The following SYT16 variants were observed in gnomAD, a reference collection of about 807,000 sequenced individuals.
SYT16 encodes the protein synaptotagmin-16.
In SYT16, 42 loss-of-function variants were observed where a neutral mutation model predicts 61.4. The ratio of observed to expected loss-of-function variants is 0.68; its 90% CI spans 0.53 to 0.89. The LOEUF is 0.89. SYT16 is among the 40% of genes least tolerant of loss of function. SYT16 has a pLI of 0.00. For synonymous variants in SYT16, 314 were observed against 302.3 expected, an observed-to-expected ratio of 1.04 and a Z score of -0.40; for missense variants, 804 against 807.3, an observed-to-expected ratio of 1.00 and a Z score of 0.05.
chr14:61,916,215 A>ATTT (rs2049114430), intron 1 of SYT16, among the ~76,000 whole-genome samples: 1 of 152,130 alleles, frequency 6.6e-6, no homozygotes, highest in Non-Finnish European at 1.5e-5. Flanking sequence ...TCTTTTGTGG[A>ATTT]GCAAAATTTG....
At chr14:62,099,871 TTGTGTGTCTGTCTGTC>T (rs6145370) in intron 7 of SYT16, among the ~76,000 whole-genome samples, 37,637 of 151,842 alleles carry the variant, frequency 0.25, 4,841 homozygotes, top group Middle Eastern at 0.3. Context: ...GAGCAAGACC[TTGTGTGTCTGTCTGTC>T]TGTCTGTCTG....
chr14:62,023,450 A>G (rs1003439578), intron 3 of SYT16, among the ~76,000 whole-genome samples: 1 of 152,096 alleles, frequency 6.6e-6, no homozygotes, highest in East Asian at 1.9e-4. Flanking sequence ...GAATTGGCCA[A>G]CAACTTGGGG....
At chr14:62,004,250 C>CAG (rs769924676) in intron 3 of SYT16, among the ~76,000 whole-genome samples, 12 of 151,842 alleles carry the variant, frequency 7.9e-5, no homozygotes, top group East Asian at 1.9e-4. Flanking sequence ...GACAGAGAGA[C>CAG]AGAGAGAGAG....
intron 1 of SYT16, among the ~76,000 whole-genome samples, chr14:61,890,699 G>A (rs371294231): frequency 2.3e-4 from 35 of 152,148 alleles, no homozygotes; most frequent in African/African-American, 6.5e-4. Context: ...AGTAAATTGC[G>A]TATGTTAGTA....
intron 7 of SYT16, among the ~76,000 whole-genome samples, chr14:62,088,426 TG>T (rs962505870): frequency 2.0e-5 from 3 of 152,170 alleles, no homozygotes; most frequent in African/African-American, 7.2e-5. Flanking sequence ...GTGTCAGGAA[TG>T]GTATTGGTGC....
chr14:61,962,713 C>A (rs987203637), intron 1 of SYT16, among the ~76,000 whole-genome samples: 1 of 151,934 alleles, frequency 6.6e-6, no homozygotes, highest in Non-Finnish European at 1.5e-5. Flanking sequence ...TCTTTCTGTT[C>A]CTCTGACTGG....
intron 4 of SYT16, among the ~76,000 whole-genome samples, chr14:62,070,401 A>G (rs980687996): frequency 6.6e-6 from 1 of 152,058 alleles, no homozygotes; most frequent in Non-Finnish European, 1.5e-5. Flanking sequence ...TTTCTGACAC[A>G]CCCCACCTGC....
chr14:61,998,819 T>C (rs1047859170), intron 3 of SYT16, among the ~76,000 whole-genome samples: 3 of 151,884 alleles, frequency 2.0e-5, no homozygotes, highest in Non-Finnish European at 4.4e-5. Context: ...CTCTTTATTA[T>C]GGTGAAGTTC....
In SYT16 at chr14:62,111,828, C is replaced by G. The variant is rs2057614055; in HGVS notation, c.*11121C>G. On this transcript the variant is annotated 3_prime_UTR_variant, in exon 8 of 8. Coordinates refer to ENST00000683842, the MANE Select transcript of SYT16 (RefSeq NM_001367656.1). ...GAACCCTTACTTTAGAAACTTCTGA[C>G]AATCTTCAGAACATTCCATGTGGGT... The G allele has an allele frequency of 6.6e-6, 1 of 152,088 alleles. No individual in the cohort carries two copies. Among genetic ancestry groups the G allele is most frequent in the Non-Finnish European group, 1.5e-5 (1 of 67,948 alleles). 9.4% of individuals were successfully genotyped at this position (152,088 alleles called of 1,614,324 possible). A position where few individuals can be genotyped will look rare whatever the true frequency, so the allele number is the denominator to read the frequency against.
At chr14:62,058,924 C>T (rs1036398125) in intron 3 of SYT16, among the ~76,000 whole-genome samples, 5 of 152,082 alleles carry the variant, frequency 3.3e-5, no homozygotes, top group East Asian at 1.9e-4. Flanking sequence ...TTTGCTGGGA[C>T]GTGGGTGGAG....
intron 1 of SYT16, among the ~76,000 whole-genome samples, chr14:61,863,075 A>G (rs1357035474): frequency 2.6e-5 from 4 of 152,234 alleles, no homozygotes; most frequent in Non-Finnish European, 2.9e-5. Flanking sequence ...TAAAGCTGCT[A>G]TAAACATTCA....
chr14:61,872,722 ACT>A (rs573801952), intron 1 of SYT16, among the ~76,000 whole-genome samples: 4 of 152,026 alleles, frequency 2.6e-5, no homozygotes, highest in Non-Finnish European at 5.9e-5. Flanking sequence ...AATTCTTTCT[ACT>A]CTGTTTTGTG....
chr14:61,884,778 A>G (rs910152815), intron 1 of SYT16, among the ~76,000 whole-genome samples: 1 of 152,182 alleles, frequency 6.6e-6, no homozygotes, highest in African/African-American at 2.4e-5. Context: ...GCTTTTGCTC[A>G]TGCAGTGTCA....
chr14:61,875,341 A>G (rs2047453608), intron 1 of SYT16, among the ~76,000 whole-genome samples: 1 of 152,196 alleles, frequency 6.6e-6, no homozygotes. Context: ...GAAGTGAGGA[A>G]TCAGGGAATC....
chr14:61,915,294 A>G (rs217626), intron 1 of SYT16, among the ~76,000 whole-genome samples: 138,408 of 152,168 alleles, frequency 0.91, 63,078 homozygotes, highest in East Asian at 0.98. Flanking sequence ...GATACTTAAC[A>G]TTTGAAGAAG....
chr14:61,973,967 C>T (rs917199486), intron 2 of SYT16, among the ~76,000 whole-genome samples: 20 of 152,118 alleles, frequency 1.3e-4, no homozygotes, highest in African/African-American at 1.2e-4. Context: ...GAATTCAACA[C>T]GCCCGAAGAA....
At chr14:61,898,709 A>G (rs1378019825) in intron 1 of SYT16, among the ~76,000 whole-genome samples, 1 of 152,162 alleles carries the variant, frequency 6.6e-6, no homozygotes, top group Admixed American at 6.6e-5. Context: ...CAGCCAGCAC[A>G]GGGGGATGTG....
At chr14:62,065,076 C>G (rs931655624) in intron 3 of SYT16, among the ~76,000 whole-genome samples, 7 of 152,208 alleles carry the variant, frequency 4.6e-5, no homozygotes, top group African/African-American at 1.7e-4. Context: ...TACACTACTA[C>G]TGCCCTTTTC....
At chr14:61,991,786 C>T (rs183731544) in intron 2 of SYT16, among the ~76,000 whole-genome samples, 1 of 152,264 alleles carries the variant, frequency 6.6e-6, no homozygotes, top group East Asian at 1.9e-4. Flanking sequence ...TTGTATCCGT[C>T]CTCAATATTA....
Sources: gnomAD v4.1 joint callset for allele counts (sites outside exome capture counted in the v4.1 genomes callset) on GRCh38, gnomAD v4.1.1 for gene constraint, MANE v1.5 for transcripts, NCBI Gene and HGNC (gene_info 2026-07-23, HGNC 2026-07-21) for gene names.